The following FGF12 variants were observed in gnomAD, a reference collection of about 807,000 sequenced individuals.
FGF12 encodes fibroblast growth factor 12, also known as fibroblast growth factor 12B.
Under a neutral mutation model 23.6 loss-of-function variants are expected in FGF12, and 14 were observed. The ratio of observed to expected loss-of-function variants is 0.59; its 90% CI spans 0.39 to 0.93. The LOEUF is 0.93. FGF12 is among the 40% of genes least tolerant of loss of function. The probability of loss-of-function intolerance (pLI) is 0.00; values close to 1 mark genes in which losing one functional copy is unlikely to be tolerated. For synonymous variants in FGF12, 62 were observed against 77.3 expected (o/e 0.80, Z 1.04); for missense variants, 175 against 217.8 (o/e 0.80, Z 1.24).
chr3:192,656,040 CAAAAAAAAAAA>C (rs11292484), intron 2 of FGF12, among the ~76,000 whole-genome samples: 1 of 106,576 alleles, frequency 9.4e-6, no homozygotes, highest in Admixed American at 1.1e-4. Context: ...GAGGTTCAGG[CAAAAAAAAAAA>C]AAAAAAAAAA....
intron 4 of FGF12, among the ~76,000 whole-genome samples, chr3:192,274,422 C>T (rs950111126): frequency 1.3e-5 from 2 of 152,066 alleles, no homozygotes; most frequent in Non-Finnish European, 2.9e-5. Flanking sequence ...GTTTATATAC[C>T]TCACAAGAAC....
chr3:192,190,529 G>T (rs565705618), intron 4 of FGF12, among the ~76,000 whole-genome samples: 2 of 129,844 alleles, frequency 1.5e-5, no homozygotes, highest in Non-Finnish European at 3.0e-5. Flanking sequence ...AGGCTGGAGT[G>T]CAGTGGCGGG....
At chr3:192,394,201 G>A (rs544606301) in intron 2 of FGF12, among the ~76,000 whole-genome samples, 3 of 152,164 alleles carry the variant, frequency 2.0e-5, no homozygotes, top group African/African-American at 7.2e-5. Context: ...ACAAATACTA[G>A]TTCCACTATA....
At chr3:192,295,977 G>T (rs1419972717) in intron 4 of FGF12, among the ~76,000 whole-genome samples, 1 of 151,082 alleles carries the variant, frequency 6.6e-6, no homozygotes, top group African/African-American at 2.4e-5. Flanking sequence ...CATCTACCAG[G>T]CTCAAGCGAT....
At chr3:192,487,576 T>C (rs1444293986) in intron 2 of FGF12, among the ~76,000 whole-genome samples, 4 of 152,136 alleles carry the variant, frequency 2.6e-5, no homozygotes, top group Non-Finnish European at 5.9e-5. Flanking sequence ...TTCATGTCAT[T>C]GCTGGACCCT....
chr3:192,194,075 A>G (rs887813021), intron 4 of FGF12, among the ~76,000 whole-genome samples: 2 of 152,222 alleles, frequency 1.3e-5, no homozygotes, highest in African/African-American at 4.8e-5. Context: ...TCAAAAATAA[A>G]TCTGAGCGGT....
At chr3:192,528,323 A>G (rs1281189123) in intron 2 of FGF12, among the ~76,000 whole-genome samples, 1 of 152,036 alleles carries the variant, frequency 6.6e-6, no homozygotes, top group Non-Finnish European at 1.5e-5. Context: ...TCAAATCTCA[A>G]AGCTCCAAAA....
chr3:192,333,925 C>T (rs73068504), intron 4 of FGF12, among the ~76,000 whole-genome samples: 15,763 of 152,036 alleles, frequency 0.1, 1,396 homozygotes, highest in African/African-American at 0.23. Flanking sequence ...TTTACAGCGA[C>T]AGCAAATGAT....
chr3:192,467,541 T>C (rs950470734), intron 2 of FGF12, among the ~76,000 whole-genome samples: 3 of 125,980 alleles, frequency 2.4e-5, no homozygotes, highest in African/African-American at 5.7e-5. Context: ...GAAGGTTATA[T>C]GGAATTACCA....
intron 4 of FGF12, among the ~76,000 whole-genome samples, chr3:192,282,550 C>T (rs1330713087): frequency 2.6e-5 from 4 of 152,022 alleles, no homozygotes; most frequent in Admixed American, 1.3e-4. Context: ...ATGTAAATGA[C>T]TATATCTTTG....
chr3:192,272,964 G>T (rs1713542098), intron 4 of FGF12, among the ~76,000 whole-genome samples: 1 of 152,146 alleles, frequency 6.6e-6, no homozygotes, highest in Non-Finnish European at 1.5e-5. Context: ...AACTTCGATA[G>T]ATGAGAAGAA....
At chr3:192,393,837 G>C (rs555877576) in intron 2 of FGF12, among the ~76,000 whole-genome samples, 167 of 152,234 alleles carry the variant, frequency 1.1e-3, no homozygotes, top group African/African-American at 3.8e-3. Context: ...CTAAGAGAAT[G>C]TCAAGGCTGA....
At chr3:192,582,023 T>A (rs755695832) in intron 2 of FGF12, among the ~76,000 whole-genome samples, 1 of 152,228 alleles carries the variant, frequency 6.6e-6, no homozygotes, top group African/African-American at 2.4e-5. Context: ...AAAATAAAAT[T>A]ATTCTAGGCC....
intron 4 of FGF12, among the ~76,000 whole-genome samples, chr3:192,202,622 A>G (rs1717432208): frequency 6.6e-6 from 1 of 152,218 alleles, no homozygotes; most frequent in South Asian, 2.1e-4. Context: ...TTTGTCTCAT[A>G]TCCGAATAGT....
chr3:192,167,643 T>G (rs962532887), intron 5 of FGF12, among the ~76,000 whole-genome samples: 1 of 148,114 alleles, frequency 6.8e-6, no homozygotes, highest in Non-Finnish European at 1.5e-5. Context: ...AATGTCCAGT[T>G]GTACACGTAC....
chr3:192,583,583 G>C (rs945361699), intron 2 of FGF12, among the ~76,000 whole-genome samples: 6 of 152,066 alleles, frequency 3.9e-5, no homozygotes, highest in Admixed American at 3.3e-4. Context: ...TACTAAATGT[G>C]AATCTTTCTA....
intron 4 of FGF12, among the ~76,000 whole-genome samples, chr3:192,206,880 C>A (rs899053392): frequency 6.6e-6 from 1 of 152,112 alleles, no homozygotes; most frequent in South Asian, 2.1e-4. Context: ...TGGAAGCTGC[C>A]CCTGAAGCTT....
At chr3:192,349,643 T>G (rs536615914) in intron 3 of FGF12, among the ~76,000 whole-genome samples, 3 of 152,214 alleles carry the variant, frequency 2.0e-5, no homozygotes, top group Non-Finnish European at 4.4e-5. Flanking sequence ...ACTGCGAAAG[T>G]GTCTTCTTTT....
intron 2 of FGF12, among the ~76,000 whole-genome samples, chr3:192,448,635 AC>A (rs1722431326): frequency 6.6e-6 from 1 of 152,140 alleles, no homozygotes; most frequent in Non-Finnish European, 1.5e-5. Context: ...AATCTGAAAA[AC>A]CTGGAACTGA....
Sources: gnomAD v4.1 joint callset for allele counts (sites outside exome capture counted in the v4.1 genomes callset) on GRCh38, gnomAD v4.1.1 for gene constraint, MANE v1.5 for transcripts, NCBI Gene and HGNC (gene_info 2026-07-23, HGNC 2026-07-21) for gene names.